The following TESK2 variants were observed in gnomAD, a reference collection of about 807,000 sequenced individuals.
TESK2 encodes the protein dual specificity testis-specific protein kinase 2.
A neutral mutation model predicts 57.1 loss-of-function variants in TESK2; 39 were observed. The observed-to-expected ratio is 0.68, with a 90% confidence interval of 0.53 to 0.89. The LOEUF is 0.89. TESK2 is among the 40% of genes least tolerant of loss of function. TESK2 has a pLI of 0.00. For synonymous variants in TESK2, 249 were observed against 267.9 expected, an observed-to-expected ratio of 0.93 and a Z score of 0.69; for missense variants, 646 against 732.1, an observed-to-expected ratio of 0.88 and a Z score of 1.36.
intron 3 of TESK2, among the ~76,000 whole-genome samples, chr1:45,420,604 G>T (rs1379810016): frequency 7.6e-6 from 1 of 131,674 alleles, no homozygotes; most frequent in Non-Finnish European, 1.6e-5. Context: ...GTCTTGCTCT[G>T]TCACCCTGGC....
intron 2 of TESK2, among the ~76,000 whole-genome samples, chr1:45,455,882 G>A (rs1250158967): frequency 6.6e-6 from 1 of 151,992 alleles, no homozygotes; most frequent in Non-Finnish European, 1.5e-5. Flanking sequence ...ACATGGGAAA[G>A]TATACCTATT....
intron 3 of TESK2, among the ~76,000 whole-genome samples, chr1:45,391,207 C>T (rs1030442893): frequency 6.8e-6 from 1 of 147,914 alleles, no homozygotes; most frequent in African/African-American, 2.5e-5. Context: ...TGAGCCACTG[C>T]GCCCAGCCCT....
chr1:45,454,343 T>G (rs1651987764), intron 2 of TESK2, among the ~76,000 whole-genome samples: 1 of 152,168 alleles, frequency 6.6e-6, no homozygotes, highest in African/African-American at 2.4e-5. Flanking sequence ...CACAACCATG[T>G]GTACATACTT....
Position 45,346,742 on chromosome 1 carries a change from A to G in TESK2, c.830T>C (p.Val277Ala). The part of the protein sequence containing the change: ...GLDYDAFQHM[V>A]GDCPPDFLQL... ...CAGAAAATCTGGGGGACAGTCTCCC[A>G]CCATGTGCTGGAAAGCATCATAGTC... Residue 277 changes from valine (V) to alanine (A), a missense_variant, in exon 9 of 11, where the codon GTG becomes GCG. Transcript: ENST00000372086. 6.2e-7 allele frequency: 1 copy of G among 1,614,120 alleles called. No homozygotes were observed. Among genetic ancestry groups the G allele is most frequent in the South Asian group, 1.1e-5 (1 of 91,020 alleles).
In TESK2 at chr1:45,474,656, AT is replaced by A. The variant is rs367822219; in HGVS notation, c.-87+16195del. On this transcript the variant is annotated intron_variant, in intron 1 of 10. Coordinates refer to ENST00000372086, the MANE Select transcript of TESK2 (RefSeq NM_007170.3). ...CTGGGCTAATTTTTGTATTTTTAGTATAAATGGGGTTTCACCATGTTGGTCA... is the reference window on the plus strand; with the variant it reads ...CTGGGCTAATTTTTGTATTTTTAGTAAAATGGGGTTTCACCATGTTGGTCA... Among the ~76,000 whole-genome samples, 83 of 151,750 alleles carry A rather than the reference AT, an allele frequency of 5.5e-4. No homozygotes were observed. The East Asian group carries it at 0.013, about 24-fold the overall frequency.
chr1:45,390,242 AGAATACGGT>A (rs768903265), intron 3 of TESK2, among the ~76,000 whole-genome samples: 9 of 152,172 alleles, frequency 5.9e-5, no homozygotes, highest in Non-Finnish European at 1.0e-4. Context: ...ACCAGCCTGG[AGAATACGGT>A]GAAATATGAT....
At chr1:45,357,569 A>G (rs914443034) in intron 4 of TESK2, among the ~76,000 whole-genome samples, 2 of 151,812 alleles carry the variant, frequency 1.3e-5, no homozygotes, top group African/African-American at 2.4e-5. Flanking sequence ...TAAAAAAAAA[A>G]AAAAAGAAAA....
intron 3 of TESK2, among the ~76,000 whole-genome samples, chr1:45,415,508 A>G (rs1322750874): frequency 2.0e-5 from 3 of 152,098 alleles, no homozygotes; most frequent in Admixed American, 2.0e-4. Context: ...GCATAGCTGG[A>G]TTGCAGAGTT....
rs200140348 is a variant in TESK2, at chr1:45,421,703, A to T, written c.344+22T>A. On this transcript the variant is annotated intron_variant, in intron 3 of 10. Coordinates refer to ENST00000372086, the MANE Select transcript of TESK2 (RefSeq NM_007170.3). ...CAATGTTTCAGTTTTCTCATTGATCAGAAGGAAGGAAAAGCCATTACCTAA... is the reference window on the plus strand; with the variant it reads ...CAATGTTTCAGTTTTCTCATTGATCTGAAGGAAGGAAAAGCCATTACCTAA... The T allele has an allele frequency of 3.8e-4, 612 of 1,613,634 alleles. 1 individual carries two copies. In the Middle Eastern group the frequency reaches 4.8e-3, roughly 13 times the overall value.
intron 2 of TESK2, among the ~76,000 whole-genome samples, chr1:45,433,691 A>G (rs1651074064): frequency 6.6e-6 from 1 of 152,144 alleles, no homozygotes; most frequent in Non-Finnish European, 1.5e-5. Flanking sequence ...TCCATCAATG[A>G]ATGCTTAGGT....
intron 2 of TESK2, among the ~76,000 whole-genome samples, chr1:45,434,959 C>CTTTTTTTTT (rs60515365): frequency 1.3e-4 from 18 of 140,440 alleles, no homozygotes; most frequent in Admixed American, 2.2e-4. Flanking sequence ...ACTTTTCTTT[C>CTTTTTTTTT]TTTTTTTTTT....
At chr1:45,422,791 A>G (rs1283250248) in intron 2 of TESK2, among the ~76,000 whole-genome samples, 1 of 18,516 alleles carries the variant, frequency 5.4e-5, no homozygotes, top group African/African-American at 9.8e-5. Flanking sequence ...TTGTTTTGAG[A>G]CAGAGTCTTG....
In TESK2 at chr1:45,471,062, C is replaced by T. The variant is rs7538248; in HGVS notation, c.-86-13191G>A. 1.8e-3 allele frequency among the ~76,000 whole-genome samples: 275 copies of T among 152,218 alleles called. 1 individual carries two copies. Among genetic ancestry groups the T allele is most frequent in the African/African-American group, 6.1e-3 (254 of 41,542 alleles). On this transcript the variant is annotated intron_variant, in intron 1 of 10. Coordinates refer to ENST00000372086, the MANE Select transcript of TESK2 (RefSeq NM_007170.3). ...CCTGGCCAACATGGTGAAATCCCAT[C>T]TCTACTAAAAATACAAAAATTAGTC...
At chr1:45,465,572 T>C (rs991014395) in intron 1 of TESK2, among the ~76,000 whole-genome samples, 2 of 152,134 alleles carry the variant, frequency 1.3e-5, no homozygotes, top group Non-Finnish European at 2.9e-5. Flanking sequence ...TGAGCTGCTT[T>C]GGTAGGAGTC....
At chr1:45,456,244 C>G (rs548541548) in intron 2 of TESK2, among the ~76,000 whole-genome samples, 1 of 150,968 alleles carries the variant, frequency 6.6e-6, no homozygotes, top group African/African-American at 2.4e-5. Context: ...ATAGGTTGGG[C>G]GCGGTGGCTC....
chr1:45,431,925 A>G (rs1489111936), intron 2 of TESK2, among the ~76,000 whole-genome samples: 3 of 152,128 alleles, frequency 2.0e-5, no homozygotes, highest in Non-Finnish European at 2.9e-5. Flanking sequence ...TGATGAGCCT[A>G]GCATGGAAAG....
At position 45,355,401 on chromosome 1, in the gene TESK2, A is replaced by G. The variant is rs1294428489; in HGVS notation, c.442T>C (p.Leu148=). The G allele has an allele frequency of 6.2e-7, 1 of 1,613,646 alleles. No individual in the cohort carries two copies. The highest frequency in any genetic ancestry group is 8.5e-7 in the Non-Finnish European group (1 of 1,179,906). ...LEQLLDSNLH[L]PWTVRVKLAY... ...AGTTTTACCCTCACAGTCCAAGGCAAATGCAGGTTACTGTCTAGCAACTGT... is the reference window on the plus strand; with the variant it reads ...AGTTTTACCCTCACAGTCCAAGGCAGATGCAGGTTACTGTCTAGCAACTGT... The change falls in exon 5 of 11, where the codon TTG becomes CTG. Residue 148 remains leucine (L), a synonymous_variant. Transcript: ENST00000372086.
intron 3 of TESK2, among the ~76,000 whole-genome samples, chr1:45,415,992 A>AT (rs1037026137): frequency 1.4e-4 from 20 of 140,950 alleles, no homozygotes; most frequent in African/African-American, 5.2e-4. Context: ...GTGTTAGTGT[A>AT]TTTTATATGT....
chr1:45,457,585 GC>G lies in TESK2; in HGVS notation c.200del (p.Gly67AlafsTer17). The G allele has an allele frequency of 6.2e-7, 1 of 1,613,996 alleles. No homozygotes were observed. Among genetic ancestry groups the G allele is most frequent in the Non-Finnish European group, 8.5e-7 (1 of 1,179,970 alleles). On this transcript the variant is annotated frameshift_variant, in exon 2 of 11. Coordinates refer to ENST00000372086, the MANE Select transcript of TESK2 (RefSeq NM_007170.3). LOFTEE classifies it high-confidence loss of function. ...TCACCTTGAACACTTCAGAAAAGAA[GC>G]CAGACCCTATTTTTTCACAGGTGAA... ...DDFTCEKIGS[G>X]FFSEVFKVRH...
Sources: gnomAD v4.1 joint callset for allele counts (sites outside exome capture counted in the v4.1 genomes callset) on GRCh38, gnomAD v4.1.1 for gene constraint, MANE v1.5 for transcripts, NCBI Gene and HGNC (gene_info 2026-07-23, HGNC 2026-07-21) for gene names.